The following OSBPL1A variants were observed in gnomAD, a reference collection of about 807,000 sequenced individuals.
OSBPL1A encodes the protein oxysterol-binding protein-related protein 1.
OSBPL1A carries 80 observed loss-of-function variants against 137.1 expected under a neutral mutation model. The ratio of observed to expected loss-of-function variants is 0.58; its 90% confidence interval spans 0.49 to 0.70. The LOEUF (loss-of-function observed/expected upper bound fraction) is 0.70. Among genes scored for constraint, OSBPL1A ranks in the 30% least tolerant of loss-of-function variants. The pLI is 0.00. For missense variants in OSBPL1A, 970 were observed against 1,129.4 expected, an observed-to-expected ratio of 0.86 and a Z score of 2.02; for synonymous variants, 365 against 389.7, an observed-to-expected ratio of 0.94 and a Z score of 0.75.
intron 14 of OSBPL1A, among the ~76,000 whole-genome samples, chr18:24,293,986 TC>T (rs2090240784): frequency 6.6e-6 from 1 of 152,154 alleles, no homozygotes; most frequent in Non-Finnish European, 1.5e-5. Context: ...GTTTGTTTAC[TC>T]AAAGCCCAGA....
chr18:24,298,327 TAATA>T lies in OSBPL1A; in HGVS notation c.1174+5306_1174+5309del, dbSNP rs927580979. On this transcript the variant is annotated intron_variant, in intron 14 of 27. Transcript: ENST00000319481. ...CTGTTCTTTTATTCCTTTACTTTCTTAATAAACTTGTTTTCATTTTGCACTGTGG... is the reference window on the plus strand; with the variant it reads ...CTGTTCTTTTATTCCTTTACTTTCTTAACTTGTTTTCATTTTGCACTGTGG... 4.5e-4 allele frequency among the ~76,000 whole-genome samples: 68 copies of T among 152,262 alleles called. 1 individual carries two copies. The highest frequency in any genetic ancestry group is 1.5e-3 in the African/African-American group (62 of 41,546).
At chr18:24,370,287 C>T (rs936599117) in intron 2 of OSBPL1A, among the ~76,000 whole-genome samples, 2 of 152,214 alleles carry the variant, frequency 1.3e-5, no homozygotes, top group African/African-American at 2.4e-5. Context: ...CACAGCTCCT[C>T]CTTTGAGGCT....
chr18:24,267,761 TGAAAG>T (rs960113553), intron 15 of OSBPL1A, among the ~76,000 whole-genome samples: 9 of 151,810 alleles, frequency 5.9e-5, no homozygotes, highest in African/African-American at 2.2e-4. Flanking sequence ...CAACAATATA[TGAAAG>T]GAAACTCTTT....
At chr18:24,267,556 A>G (rs1355038310) in intron 15 of OSBPL1A, among the ~76,000 whole-genome samples, 1 of 152,206 alleles carries the variant, frequency 6.6e-6, no homozygotes, top group Non-Finnish European at 1.5e-5. Context: ...CAAATTGAGA[A>G]CAATGTTAAA....
chr18:24,356,391 C>A (rs745628430), intron 4 of OSBPL1A, among the ~76,000 whole-genome samples: 21 of 152,108 alleles, frequency 1.4e-4, no homozygotes, highest in Non-Finnish European at 2.8e-4. Flanking sequence ...AGCGGATCAC[C>A]AAGACATCTC....
At chr18:24,237,822 G>A (rs764707191) in intron 16 of OSBPL1A, among the ~76,000 whole-genome samples, 7 of 152,040 alleles carry the variant, frequency 4.6e-5, no homozygotes, top group Non-Finnish European at 8.8e-5. Context: ...CCCTCAGACA[G>A]GCTAAATACT....
intron 18 of OSBPL1A, among the ~76,000 whole-genome samples, chr18:24,192,079 T>TG (rs758122545): frequency 7.2e-5 from 11 of 152,200 alleles, no homozygotes; most frequent in Non-Finnish European, 1.2e-4. Context: ...TGTCACCTCT[T>TG]GCAATAATCC....
intron 4 of OSBPL1A, among the ~76,000 whole-genome samples, chr18:24,344,534 T>C (rs1315758946): frequency 6.6e-6 from 1 of 152,088 alleles, no homozygotes; most frequent in East Asian, 1.9e-4. Flanking sequence ...GAAAGGAGGA[T>C]TTGCAGTGAA....
chr18:24,197,923 A>T (rs2087085585), intron 17 of OSBPL1A, among the ~76,000 whole-genome samples: 1 of 150,618 alleles, frequency 6.6e-6, no homozygotes, highest in Admixed American at 6.6e-5. Flanking sequence ...AGTAGCTGGG[A>T]TTTCAGGTGC....
At chr18:24,313,821 G>C (rs1354855181) in intron 12 of OSBPL1A, among the ~76,000 whole-genome samples, 1 of 152,182 alleles carries the variant, frequency 6.6e-6, no homozygotes, top group Non-Finnish European at 1.5e-5. Flanking sequence ...GTACAATCAG[G>C]CCAGGCACAG....
intron 15 of OSBPL1A, among the ~76,000 whole-genome samples, chr18:24,255,172 T>C (rs756463611): frequency 6.6e-5 from 10 of 152,094 alleles, no homozygotes; most frequent in Non-Finnish European, 1.0e-4. Flanking sequence ...AAAACCTGAA[T>C]AGATCAATAA....
intron 11 of OSBPL1A, among the ~76,000 whole-genome samples, chr18:24,315,903 T>A (rs2090726096): frequency 7.5e-6 from 1 of 133,920 alleles, no homozygotes; most frequent in Non-Finnish European, 1.5e-5. Flanking sequence ...AGATATTATA[T>A]ATTATATAAT....
At chr18:24,174,398 G>A (rs936169714) in intron 21 of OSBPL1A, among the ~76,000 whole-genome samples, 1 of 152,200 alleles carries the variant, frequency 6.6e-6, no homozygotes, top group Admixed American at 6.5e-5. Flanking sequence ...CATCTGAAAT[G>A]CTCCAAAGTC....
chr18:24,239,925 C>CAT (rs2088632235), intron 15 of OSBPL1A, among the ~76,000 whole-genome samples: 1 of 125,624 alleles, frequency 8.0e-6, no homozygotes. Context: ...TCATTTTTCT[C>CAT]TTTTTTTTTT....
At chr18:24,387,399 C>T (rs545340548) in intron 1 of OSBPL1A, among the ~76,000 whole-genome samples, 22 of 152,052 alleles carry the variant, frequency 1.4e-4, no homozygotes, top group Non-Finnish European at 2.8e-4. Context: ...GTGGCTCTAA[C>T]ACCCAGGCAC....
At chr18:24,189,116 GCAA>G (rs1366842691) in intron 18 of OSBPL1A, among the ~76,000 whole-genome samples, 3 of 152,172 alleles carry the variant, frequency 2.0e-5, no homozygotes, top group Non-Finnish European at 4.4e-5. Context: ...CAAATTAATA[GCAA>G]CCTATGATGA....
chr18:24,195,995 AT>A (rs1199596740), intron 18 of OSBPL1A, 129 bp downstream of exon 18: 2 of 744,104 alleles, frequency 2.7e-6, no homozygotes, highest in Non-Finnish European at 4.4e-6. Context: ...ACTTTTCACA[AT>A]TTATGATTCT....
intron 27 of OSBPL1A, 56 bp from the exon 28 acceptor site, chr18:24,163,337 G>T: frequency 7.8e-7 from 1 of 1,278,282 alleles, no homozygotes; most frequent in Non-Finnish European, 1.1e-6. Flanking sequence ...ATCACAGGCT[G>T]TTTCTTCACT....
At chr18:24,186,943 G>C (rs943396333) in intron 18 of OSBPL1A, among the ~76,000 whole-genome samples, 6 of 149,058 alleles carry the variant, frequency 4.0e-5, no homozygotes, top group Admixed American at 3.4e-4. Context: ...ATTCAGACAG[G>C]CAAAAGGAAA....
Sources: gnomAD v4.1 joint callset for allele counts (sites outside exome capture counted in the v4.1 genomes callset) on GRCh38, gnomAD v4.1.1 for gene constraint, MANE v1.5 for transcripts, NCBI Gene and HGNC (gene_info 2026-07-23, HGNC 2026-07-21) for gene names.